The following PTPRT variants were observed in gnomAD, a reference collection of about 807,000 sequenced individuals.
PTPRT encodes protein tyrosine phosphatase receptor type T, also known as receptor-type tyrosine-protein phosphatase T.
In PTPRT, 56 loss-of-function variants were observed where a neutral mutation model predicts 176.8. The observed-to-expected ratio is 0.32, with a 90% CI of 0.26 to 0.40. The LOEUF is 0.40. Among genes scored for constraint, PTPRT ranks in the 10% least tolerant of loss-of-function variants. The pLI, the probability that PTPRT is intolerant of heterozygous loss-of-function variation, is 1.00. For missense variants in PTPRT, 1,540 were observed against 1,908.2 expected (o/e 0.81, Z 3.60); for synonymous variants, 783 against 739.0 (o/e 1.06, Z -0.96).
chr20:42,855,091 T>G (rs1359770671), intron 2 of PTPRT, among the ~76,000 whole-genome samples: 9 of 152,082 alleles, frequency 5.9e-5, no homozygotes, highest in Admixed American at 5.9e-4. Flanking sequence ...GAAGCACATA[T>G]CCAATCACAC....
intron 7 of PTPRT, among the ~76,000 whole-genome samples, chr20:42,592,510 G>C (rs1412778044): frequency 2.0e-5 from 3 of 152,230 alleles, no homozygotes; most frequent in Admixed American, 2.0e-4. Flanking sequence ...CAGGCTGAGA[G>C]ATAAGGAGCT....
chr20:42,381,292 T>A (rs1246284155), intron 9 of PTPRT, among the ~76,000 whole-genome samples: 1 of 152,178 alleles, frequency 6.6e-6, no homozygotes, highest in Non-Finnish European at 1.5e-5. Context: ...ATGACTTGTA[T>A]TGGACAACAA....
At chr20:42,862,670 T>C (rs1320787262) in intron 2 of PTPRT, among the ~76,000 whole-genome samples, 2 of 152,234 alleles carry the variant, frequency 1.3e-5, no homozygotes, top group African/African-American at 2.4e-5. Flanking sequence ...GCACCTCGAA[T>C]GTGCCGATCT....
At chr20:43,043,620 T>C (rs966252784) in intron 1 of PTPRT, among the ~76,000 whole-genome samples, 6 of 152,158 alleles carry the variant, frequency 3.9e-5, no homozygotes, top group Admixed American at 1.3e-4. Context: ...CCTTTCTGCC[T>C]CTGAGCTTCA....
At chr20:42,673,433 T>G (rs1232116081) in intron 7 of PTPRT, among the ~76,000 whole-genome samples, 1 of 152,210 alleles carries the variant, frequency 6.6e-6, no homozygotes, top group Non-Finnish European at 1.5e-5. Flanking sequence ...AGAATGTGCA[T>G]TTCTAACAAG....
chr20:42,039,000 A>G, the PTPRT span, among the ~76,000 whole-genome samples: 1 of 152,150 alleles, frequency 6.6e-6, no homozygotes, highest in Non-Finnish European at 1.5e-5. Context: ...TCTTCACCCC[A>G]GATACCAAAT....
At chr20:42,386,838 C>T (rs558908189) in intron 9 of PTPRT, among the ~76,000 whole-genome samples, 21 of 152,032 alleles carry the variant, frequency 1.4e-4, no homozygotes, top group Middle Eastern at 3.4e-3. Context: ...CCAGCCTGGG[C>T]GACAGAGTGA....
Position 42,499,682 on chromosome 20 carries a change from A to C in PTPRT, c.1154-27120T>G, listed in dbSNP as rs139065336. On this transcript the variant is annotated intron_variant, in intron 7 of 30. Transcript: ENST00000373187. ...CTACATCTTTCATGACATACTTAAA[A>C]ATTTTTTGATTTTTGATATTTCTGG... is the stretch of plus-strand genomic sequence containing the variant. Among the ~76,000 whole-genome samples the C allele has an allele frequency of 4.5e-3, 680 of 152,242 alleles. 27 individuals are homozygous for C. In the East Asian group the frequency reaches 0.07, roughly 16 times the overall value.
At chr20:42,846,853 C>G (rs748938010) in intron 2 of PTPRT, among the ~76,000 whole-genome samples, 52 of 152,108 alleles carry the variant, frequency 3.4e-4, no homozygotes, top group Non-Finnish European at 6.3e-4. Context: ...TCTTAGGTCT[C>G]CCTCGAAAAG....
intron 6 of PTPRT, among the ~76,000 whole-genome samples, chr20:42,735,105 T>G (rs910143712): frequency 3.9e-5 from 6 of 152,232 alleles, no homozygotes; most frequent in African/African-American, 1.4e-4. Flanking sequence ...ACATGTGTAT[T>G]ACTATCACTA....
chr20:43,047,558 A>G (rs1986886957), intron 1 of PTPRT, among the ~76,000 whole-genome samples: 1 of 152,214 alleles, frequency 6.6e-6, no homozygotes, highest in African/African-American at 2.4e-5. Flanking sequence ...AATGTTTTCT[A>G]TTAACTCCAT....
chr20:42,361,624 C>A (rs1169551688), intron 9 of PTPRT, among the ~76,000 whole-genome samples: 2 of 152,146 alleles, frequency 1.3e-5, no homozygotes, highest in Admixed American at 6.5e-5. Context: ...GCATGACAGT[C>A]CCTGTGTAGA....
At chr20:42,938,977 G>C (rs6016923) in intron 1 of PTPRT, among the ~76,000 whole-genome samples, 1 of 152,188 alleles carries the variant, frequency 6.6e-6, no homozygotes, top group African/African-American at 2.4e-5. Flanking sequence ...TAAACAGAAG[G>C]TTCCTTGAGA....
intron 1 of PTPRT, among the ~76,000 whole-genome samples, chr20:43,035,802 CCA>C (rs1986354978): frequency 6.6e-6 from 1 of 152,182 alleles, no homozygotes; most frequent in Non-Finnish European, 1.5e-5. Context: ...CAATTTTTTT[CCA>C]CACTTACAGC....
At chr20:42,503,109 G>T (rs1211023757) in intron 7 of PTPRT, among the ~76,000 whole-genome samples, 1 of 151,844 alleles carries the variant, frequency 6.6e-6, no homozygotes, top group Non-Finnish European at 1.5e-5. Context: ...GGAGTTTGGT[G>T]TGTTTTTTTA....
intron 22 of PTPRT, among the ~76,000 whole-genome samples, chr20:42,111,550 A>C (rs1338407677): frequency 6.6e-6 from 1 of 151,952 alleles, no homozygotes; most frequent in Admixed American, 6.6e-5. Flanking sequence ...GTGATGCTTG[A>C]CCTCCATCTT....
chr20:43,165,955 C>T (rs549636675), intron 1 of PTPRT, among the ~76,000 whole-genome samples: 2 of 151,972 alleles, frequency 1.3e-5, no homozygotes, highest in African/African-American at 4.8e-5. Flanking sequence ...TTTGGGAGGC[C>T]GAGGCAGGCA....
chr20:42,864,107 T>C (rs1038315828), intron 2 of PTPRT, among the ~76,000 whole-genome samples: 7 of 152,308 alleles, frequency 4.6e-5, no homozygotes, highest in Admixed American at 3.3e-4. Flanking sequence ...ACTCCTGACA[T>C]TGGCAAGTGA....
the PTPRT span, among the ~76,000 whole-genome samples, chr20:42,036,242 C>G: frequency 6.6e-6 from 1 of 152,236 alleles, no homozygotes; most frequent in Non-Finnish European, 1.5e-5. Flanking sequence ...CCCCAGAAGA[C>G]TTCTGAGTTA....
Sources: allele counts gnomAD v4.1 joint callset (sites outside exome capture counted in the v4.1 genomes callset), GRCh38; gene constraint gnomAD v4.1.1; transcripts MANE v1.5; gene names NCBI Gene and HGNC (gene_info 2026-07-23, HGNC 2026-07-21).